Variants in TP63 observed in about 807,000 individuals in gnomAD.
TP63 encodes the protein tumor protein 63.
A neutral mutation model predicts 82.8 loss-of-function variants in TP63; 17 were observed. The ratio of observed to expected loss-of-function variants is 0.21; its 90% CI spans 0.14 to 0.31. The LOEUF is 0.31. Ranked by LOEUF, TP63 falls within the 10% of genes least tolerant of loss-of-function variation. The pLI, the probability that TP63 is intolerant of heterozygous loss-of-function variation, is 1.00. For missense variants in TP63, 648 were observed against 895.3 expected (o/e 0.72, Z 3.52); for synonymous variants, 330 against 321.7 (o/e 1.03, Z -0.28).
At chr3:189,631,080 A>G (rs1190263850), upstream of TP63, among the ~76,000 whole-genome samples, 1 of 152,168 alleles carries the variant, frequency 6.6e-6, no homozygotes, top group East Asian at 1.9e-4. Context: ...TCATCAGCTC[A>G]GTTCAGTTAC....
chr3:189,651,923 T>C (rs1009045597), intron 1 of TP63, among the ~76,000 whole-genome samples: 2 of 147,178 alleles, frequency 1.4e-5, no homozygotes, highest in African/African-American at 5.1e-5. Flanking sequence ...TTGTTGGTCC[T>C]GTTGGTGCTC....
Position 189,821,467 on chromosome 3 carries a change from A to G in TP63, c.579+12941A>G, listed in dbSNP as rs115207370. Among the ~76,000 whole-genome samples, 981 of 152,294 alleles carry G rather than the reference A, an allele frequency of 6.4e-3. 14 individuals are homozygous for G. Among genetic ancestry groups the G allele is most frequent in the African/African-American group, 0.023 (937 of 41,568 alleles). ...TTGTCATCTTTTGTCACTGGTCTCA[A>G]TAGAGGGTCAAGCGTGCTTACCACA... On this transcript the variant is annotated intron_variant, in intron 4 of 13. Transcript: ENST00000264731.
At chr3:189,804,879 A>G (rs1442744014) in intron 3 of TP63, among the ~76,000 whole-genome samples, 1 of 152,178 alleles carries the variant, frequency 6.6e-6, no homozygotes, top group Non-Finnish European at 1.5e-5. Flanking sequence ...AAGCGTTTCA[A>G]CTGAAATGTG....
chr3:189,719,687 C>G (rs112044078), intron 1 of TP63, among the ~76,000 whole-genome samples: 2,858 of 152,280 alleles, frequency 0.019, 36 homozygotes, highest in Middle Eastern at 0.054. Context: ...ATGGCTTAAA[C>G]ACGCTGCAAA....
intron 4 of TP63, among the ~76,000 whole-genome samples, chr3:189,863,711 C>T (rs1717329127): frequency 6.6e-6 from 1 of 150,920 alleles, no homozygotes; most frequent in African/African-American, 2.4e-5. Flanking sequence ...TGACGTCAGG[C>T]GAAATCTCTT....
chr3:189,823,871 T>G (rs1037995018), intron 4 of TP63, among the ~76,000 whole-genome samples: 4 of 152,278 alleles, frequency 2.6e-5, no homozygotes, highest in Non-Finnish European at 5.9e-5. Flanking sequence ...AGGTATACCT[T>G]TCAGCTTTCT....
the TP63 span, among the ~76,000 whole-genome samples, chr3:189,620,523 A>AAC: frequency 6.6e-6 from 1 of 151,810 alleles, no homozygotes; most frequent in Non-Finnish European, 1.5e-5. Flanking sequence ...AAAACAAAAA[A>AAC]AAAAAACCTC....
At chr3:189,836,498 G>T (rs979712287) in intron 4 of TP63, among the ~76,000 whole-genome samples, 1 of 152,166 alleles carries the variant, frequency 6.6e-6, no homozygotes, top group Non-Finnish European at 1.5e-5. Flanking sequence ...ATTACGTAGT[G>T]TAATTTGGTT....
intron 3 of TP63, among the ~76,000 whole-genome samples, chr3:189,799,456 T>C (rs1292715033): frequency 2.6e-5 from 4 of 152,104 alleles, no homozygotes; most frequent in Admixed American, 2.6e-4. Context: ...CACAAAGATA[T>C]AGGTTCTTAT....
At chr3:189,849,167 C>T (rs1198872819) in intron 4 of TP63, among the ~76,000 whole-genome samples, 1 of 152,230 alleles carries the variant, frequency 6.6e-6, no homozygotes, top group African/African-American at 2.4e-5. Context: ...CACCTCTCCC[C>T]CCATACCACT....
chr3:189,661,600 G>A (rs1713887821), intron 1 of TP63, among the ~76,000 whole-genome samples: 1 of 151,988 alleles, frequency 6.6e-6, no homozygotes, highest in Non-Finnish European at 1.5e-5. Context: ...AATTAGTTAG[G>A]GACGAGTCCC....
chr3:189,793,173 G>A (rs1477740972), intron 3 of TP63, among the ~76,000 whole-genome samples: 1 of 151,994 alleles, frequency 6.6e-6, no homozygotes. Context: ...CTAGGAGAAA[G>A]ACATCTTAGA....
chr3:189,680,661 T>G (rs550242229), intron 1 of TP63, among the ~76,000 whole-genome samples: 2 of 152,198 alleles, frequency 1.3e-5, no homozygotes, highest in Admixed American at 6.5e-5. Flanking sequence ...ACATATCACA[T>G]TAACAGGTCC....
intron 4 of TP63, among the ~76,000 whole-genome samples, chr3:189,810,638 A>G (rs1253531888): frequency 6.6e-6 from 1 of 152,012 alleles, no homozygotes; most frequent in Non-Finnish European, 1.5e-5. Context: ...CAGGCAGATC[A>G]CGAGGTCAGG....
intron 1 of TP63, among the ~76,000 whole-genome samples, chr3:189,734,655 C>G (rs1720442219): frequency 6.6e-6 from 1 of 152,118 alleles, no homozygotes; most frequent in South Asian, 2.1e-4. Context: ...CAGCAGATGG[C>G]CTTGTCTTCC....
At chr3:189,726,108 A>G (rs1359695757) in intron 1 of TP63, among the ~76,000 whole-genome samples, 2 of 152,194 alleles carry the variant, frequency 1.3e-5, no homozygotes, top group Non-Finnish European at 2.9e-5. Flanking sequence ...GTTTGGAATA[A>G]AACATGTACA....
At chr3:189,618,059 C>T in the TP63 span, among the ~76,000 whole-genome samples, 1 of 152,222 alleles carries the variant, frequency 6.6e-6, no homozygotes, top group South Asian at 2.1e-4. Context: ...GCATCCAGTA[C>T]AAATAAAAAT....
chr3:189,612,737 T>C, the TP63 span, among the ~76,000 whole-genome samples: 1 of 152,204 alleles, frequency 6.6e-6, no homozygotes, highest in Non-Finnish European at 1.5e-5. Flanking sequence ...AAAATCCTGA[T>C]AGCAATATAG....
At chr3:189,805,818 C>G (rs1726823325) in intron 3 of TP63, among the ~76,000 whole-genome samples, 1 of 152,170 alleles carries the variant, frequency 6.6e-6, no homozygotes, top group African/African-American at 2.4e-5. Flanking sequence ...ACAGAGTCAC[C>G]GTATACTTTG....
Sources: gnomAD v4.1 joint callset for allele counts (sites outside exome capture counted in the v4.1 genomes callset) on GRCh38, gnomAD v4.1.1 for gene constraint, MANE v1.5 for transcripts, NCBI Gene and HGNC (gene_info 2026-07-23, HGNC 2026-07-21) for gene names.